The following PTPRN2 variants were observed in gnomAD, a reference collection of about 807,000 sequenced individuals.
PTPRN2 encodes receptor-type tyrosine-protein phosphatase N2.
A neutral mutation model predicts 118.8 loss-of-function variants in PTPRN2; 74 were observed. The ratio of observed to expected loss-of-function variants is 0.62; its 90% CI spans 0.52 to 0.76. The LOEUF (loss-of-function observed/expected upper bound fraction) is 0.76. Ranked by LOEUF, PTPRN2 falls within the 30% of genes least tolerant of loss-of-function variation. The pLI is 0.00. For missense variants in PTPRN2, 1,481 were observed against 1,394.4 expected, an observed-to-expected ratio of 1.06 and a Z score of -0.99; for synonymous variants, 641 against 608.0, an observed-to-expected ratio of 1.05 and a Z score of -0.80.
rs73167722 is a variant in PTPRN2 at position 157,937,619 on chromosome 7, G to A, written c.1724-38882C>T. Reference sequence around the variant, plus strand: ...AGAAGCCGCTTAAAAAGCCAGGCAGGGGCTCTTCAGTGCAAAGGTTCTGCC... The same window carrying A: ...AGAAGCCGCTTAAAAAGCCAGGCAGAGGCTCTTCAGTGCAAAGGTTCTGCC... On this transcript the variant is annotated intron_variant, in intron 11 of 22. Coordinates refer to ENST00000389418, the MANE Select transcript of PTPRN2 (RefSeq NM_002847.5). Among the ~76,000 whole-genome samples the A allele has an allele frequency of 2.3e-3, 350 of 152,352 alleles. 3 individuals are homozygous for A. Among genetic ancestry groups the A allele is most frequent in the Non-Finnish European group, 3.3e-3 (222 of 68,028 alleles).
chr7:158,272,604 G>A (rs1008096298), intron 3 of PTPRN2, among the ~76,000 whole-genome samples: 1 of 152,138 alleles, frequency 6.6e-6, no homozygotes, highest in Admixed American at 6.5e-5. Flanking sequence ...TTGCACCCCA[G>A]ACACCAGGGT....
rs917514311 is a variant in PTPRN2 at position 157,560,863 on chromosome 7, C to T, written c.2902+8039G>A. Among the ~76,000 whole-genome samples the T allele has an allele frequency of 8.5e-5, 13 of 152,238 alleles. No homozygotes were observed. The highest frequency in any genetic ancestry group is 2.4e-4 in the African/African-American group (10 of 41,542). ...TTCATGTTTCAGCCAAACATAAAAGCGAGACGTCTCCTGCTCAGCTTTCCC... is the reference window on the plus strand; with the variant it reads ...TTCATGTTTCAGCCAAACATAAAAGTGAGACGTCTCCTGCTCAGCTTTCCC... On this transcript the variant is annotated intron_variant, in intron 21 of 22. Transcript: ENST00000389418. This position sits in a 1 kb window ranked among gnomAD's most constrained non-coding sequence, Gnocchi z 6.7.
At chr7:158,472,425 G>A (rs752611475) in intron 2 of PTPRN2, among the ~76,000 whole-genome samples, 2 of 152,168 alleles carry the variant, frequency 1.3e-5, no homozygotes, top group African/African-American at 2.4e-5. Flanking sequence ...TGACGGTGCA[G>A]AAATCTAACA....
At chr7:157,884,738 T>C (rs1438133118) in intron 12 of PTPRN2, among the ~76,000 whole-genome samples, 2 of 152,202 alleles carry the variant, frequency 1.3e-5, no homozygotes, top group African/African-American at 4.8e-5. Flanking sequence ...ATGAGACTCA[T>C]TGACTGTCAC....
chr7:157,982,525 T>A (rs113864020), intron 11 of PTPRN2, among the ~76,000 whole-genome samples: 6 of 66,206 alleles, frequency 9.1e-5, no homozygotes, highest in East Asian at 5.6e-4. Context: ...CCCTGAGTCA[T>A]AGAGACGAGG....
intron 10 of PTPRN2, among the ~76,000 whole-genome samples, chr7:158,102,565 C>G (rs1183449619): frequency 6.6e-6 from 1 of 152,136 alleles, no homozygotes; most frequent in African/African-American, 2.4e-5. Context: ...TAATTGTGGG[C>G]CTTGGCAGCA....
rs116817925 is a variant in PTPRN2, at chr7:157,945,329, G to A, written c.1724-46592C>T. Reference sequence around the variant, plus strand: ...CAGCCTCCGCCTGCTAGCTGCTCCCGGCCAACCCCCATGGGCACACTGACC... The same window carrying A: ...CAGCCTCCGCCTGCTAGCTGCTCCCAGCCAACCCCCATGGGCACACTGACC... On this transcript the variant is annotated intron_variant, in intron 11 of 22. Transcript: ENST00000389418. 8.6e-3 allele frequency among the ~76,000 whole-genome samples: 1,311 copies of A among 152,040 alleles called. 28 individuals are homozygous for A. Among genetic ancestry groups the A allele is most frequent in the African/African-American group, 0.027 (1,107 of 41,440 alleles).
At chr7:158,554,966 G>C (rs557339288) in intron 1 of PTPRN2, among the ~76,000 whole-genome samples, 2 of 152,220 alleles carry the variant, frequency 1.3e-5, no homozygotes, top group African/African-American at 4.8e-5. Flanking sequence ...CCACGACCCG[G>C]GGACACGTTT....
chr7:158,042,391 G>A (rs1250017529), intron 11 of PTPRN2, among the ~76,000 whole-genome samples: 1 of 152,178 alleles, frequency 6.6e-6, no homozygotes, highest in African/African-American at 2.4e-5. Context: ...GCTCAGAACT[G>A]CACAAGTTCA....
chr7:157,704,530 C>T (rs1202967381), intron 12 of PTPRN2, among the ~76,000 whole-genome samples: 1 of 152,228 alleles, frequency 6.6e-6, no homozygotes, highest in Non-Finnish European at 1.5e-5. Context: ...AGGTCCCACC[C>T]TCGGCTGGGC....
intron 2 of PTPRN2, among the ~76,000 whole-genome samples, chr7:158,359,844 C>T (rs1181700091): frequency 1.3e-5 from 2 of 152,072 alleles, no homozygotes; most frequent in African/African-American, 4.8e-5. Flanking sequence ...TGGCCTTCTT[C>T]CTCTGACAGT....
intron 13 of PTPRN2, among the ~76,000 whole-genome samples, chr7:157,661,166 T>C (rs10280437): frequency 6.6e-6 from 1 of 152,290 alleles, no homozygotes; most frequent in South Asian, 2.1e-4. Flanking sequence ...GTTCGGTGCC[T>C]CTCAGCGGGG....
intron 11 of PTPRN2, among the ~76,000 whole-genome samples, chr7:157,978,243 T>G (rs186835049): frequency 1.6e-4 from 24 of 152,126 alleles, no homozygotes; most frequent in African/African-American, 5.8e-4. Context: ...CTGCCTGATC[T>G]GCTTCTCAAA....
At chr7:158,185,976 A>G (rs1825097341) in intron 5 of PTPRN2, among the ~76,000 whole-genome samples, 1 of 150,272 alleles carries the variant, frequency 6.7e-6, no homozygotes, top group African/African-American at 2.4e-5. Flanking sequence ...GGGGCACTCC[A>G]TAGAGGCCTG....
At chr7:158,103,435 A>G (rs563232413) in intron 10 of PTPRN2, among the ~76,000 whole-genome samples, 44 of 152,308 alleles carry the variant, frequency 2.9e-4, no homozygotes, top group African/African-American at 1.1e-3. Context: ...AGACTCAAAG[A>G]CCATCAGGAA....
At chr7:157,677,959 C>T (rs1443449914) in intron 13 of PTPRN2, among the ~76,000 whole-genome samples, 1 of 152,182 alleles carries the variant, frequency 6.6e-6, no homozygotes, top group East Asian at 1.9e-4. Context: ...AAAACCGAAT[C>T]CACGTCTCGA....
At chr7:157,965,857 G>A (rs561558646) in intron 11 of PTPRN2, among the ~76,000 whole-genome samples, 31 of 152,242 alleles carry the variant, frequency 2.0e-4, no homozygotes, top group African/African-American at 7.0e-4. Context: ...TAACCCAAAA[G>A]TGCACTTCCC....
chr7:157,976,364 G>A (rs1004445889), intron 11 of PTPRN2, among the ~76,000 whole-genome samples: 1 of 152,174 alleles, frequency 6.6e-6, no homozygotes, highest in African/African-American at 2.4e-5. Flanking sequence ...CCTGCTCCTA[G>A]CACCGGCTGG....
chr7:157,789,583 G>A (rs1026737662), intron 12 of PTPRN2, among the ~76,000 whole-genome samples: 1 of 152,224 alleles, frequency 6.6e-6, no homozygotes, highest in African/African-American at 2.4e-5. Flanking sequence ...AGGTGGCTCC[G>A]TGGTCCCCTG....
Sources: gnomAD v4.1 joint callset for allele counts (sites outside exome capture counted in the v4.1 genomes callset) on GRCh38, gnomAD v4.1.1 for gene constraint, Gnocchi (gnomAD v3.1) non-coding constraint, MANE v1.5 for transcripts, NCBI Gene and HGNC (gene_info 2026-07-23, HGNC 2026-07-21) for gene names.